The following SLC7A14 variants were observed in gnomAD, a reference collection of about 807,000 sequenced individuals.
SLC7A14 encodes the protein solute carrier family 7 member 14.
A neutral mutation model predicts 60.2 loss-of-function variants in SLC7A14; 37 were observed. The ratio of observed to expected loss-of-function variants is 0.61; its 90% CI spans 0.47 to 0.81. SLC7A14 has a LOEUF of 0.81. Ranked by LOEUF, SLC7A14 falls within the 30% of genes least tolerant of loss-of-function variation. The pLI is 0.00. For synonymous variants in SLC7A14, 399 were observed against 395.8 expected (o/e 1.01, Z -0.10); for missense variants, 886 against 982.7 (o/e 0.90, Z 1.32).
At chr3:170,562,633 A>G (rs894181901) in intron 1 of SLC7A14, among the ~76,000 whole-genome samples, 6 of 152,210 alleles carry the variant, frequency 3.9e-5, no homozygotes, top group Admixed American at 3.9e-4. Context: ...CCAAAAACCT[A>G]TGGAAATTAA....
At chr3:170,573,355 G>A (rs1715002361) in intron 1 of SLC7A14, among the ~76,000 whole-genome samples, 1 of 152,194 alleles carries the variant, frequency 6.6e-6, no homozygotes, top group Non-Finnish European at 1.5e-5. Context: ...TGCCACCTGA[G>A]ACCATGATTC....
chr3:170,497,208 G>T (rs1052366908), intron 4 of SLC7A14, among the ~76,000 whole-genome samples: 3 of 151,874 alleles, frequency 2.0e-5, no homozygotes. Flanking sequence ...TGATAGGAAA[G>T]GAACAGTTTG....
In SLC7A14 at chr3:170,537,617, G is replaced by A. The variant is rs568690163; in HGVS notation, c.-152-10529C>T. On this transcript the variant is annotated intron_variant, in intron 1 of 7. Coordinates refer to ENST00000231706, the MANE Select transcript of SLC7A14 (RefSeq NM_020949.3). ...CTCGGCTGAGCATTTATATGCTTTT[G>A]GAAAAATTCTGTCCCTAATTAAACA... Among the ~76,000 whole-genome samples, 5 of 152,200 alleles carry A rather than the reference G, an allele frequency of 3.3e-5. No individual in the cohort carries two copies. In the East Asian group the frequency reaches 7.7e-4, roughly 23 times the overall value.
At chr3:170,583,549 T>G (rs1715294917) in intron 1 of SLC7A14, among the ~76,000 whole-genome samples, 1 of 152,246 alleles carries the variant, frequency 6.6e-6, no homozygotes, top group South Asian at 2.1e-4. Context: ...GGGTTCTAAT[T>G]TTTCAATCAT....
chr3:170,554,387 A>T (rs1370130493), intron 1 of SLC7A14, among the ~76,000 whole-genome samples: 1 of 152,228 alleles, frequency 6.6e-6, no homozygotes, highest in Non-Finnish European at 1.5e-5. Flanking sequence ...TTATTAATTC[A>T]CATTTTGTCT....
intron 1 of SLC7A14, among the ~76,000 whole-genome samples, chr3:170,564,832 A>G (rs945540047): frequency 5.3e-5 from 8 of 152,198 alleles, no homozygotes; most frequent in African/African-American, 1.9e-4. Context: ...TCTAATTTTA[A>G]TGTAACTTGC....
chr3:170,540,814 GTGCT>G (rs1713998444), intron 1 of SLC7A14, among the ~76,000 whole-genome samples: 1 of 152,196 alleles, frequency 6.6e-6, no homozygotes. Flanking sequence ...CAACTGATTA[GTGCT>G]TGCTTCTAAA....
Position 170,460,910 on chromosome 3 carries a change from A to AATT in SLC7A14, c.*6142_*6144dup, listed in dbSNP as rs1349406729. ...ATTCTGTGTGTGCAGAACACAGTTAAATTATTATTATTATTATTTTTGAGA... is the reference window on the plus strand; with the variant it reads ...ATTCTGTGTGTGCAGAACACAGTTAAATTATTATTATTATTATTATTTTTGAGA... On this transcript the variant is annotated 3_prime_UTR_variant, in exon 8 of 8. Coordinates refer to ENST00000231706, the MANE Select transcript of SLC7A14 (RefSeq NM_020949.3). 1 of 152,138 alleles carries AATT rather than the reference A, an allele frequency of 6.6e-6. No individual in the cohort carries two copies. The highest frequency in any genetic ancestry group is 1.5e-5 in the Non-Finnish European group (1 of 67,990). 9.4% of individuals were successfully genotyped at this position (152,138 alleles called of 1,614,324 possible). A position where few individuals can be genotyped will look rare whatever the true frequency, so the allele number is the denominator to read the frequency against.
At chr3:170,566,315 T>C (rs1443487389) in intron 1 of SLC7A14, among the ~76,000 whole-genome samples, 1 of 152,088 alleles carries the variant, frequency 6.6e-6, no homozygotes, top group African/African-American at 2.4e-5. Flanking sequence ...AGAGTAAAAG[T>C]TGGGAGACTG....
At chr3:170,578,625 T>C (rs1314188534) in intron 1 of SLC7A14, among the ~76,000 whole-genome samples, 1 of 152,232 alleles carries the variant, frequency 6.6e-6, no homozygotes, top group Non-Finnish European at 1.5e-5. Context: ...ATAGTAATTG[T>C]ATATAAGTAT....
chr3:170,526,485 C>G (rs1350891761), intron 2 of SLC7A14, 148 bp downstream of exon 2: 1 of 926,328 alleles, frequency 1.1e-6, no homozygotes, highest in Non-Finnish European at 1.6e-6. Context: ...CCTAACCTCC[C>G]TGGCAGTCAA....
intron 7 of SLC7A14, among the ~76,000 whole-genome samples, chr3:170,474,552 GT>G (rs1031943803): frequency 2.0e-5 from 3 of 151,938 alleles, no homozygotes; most frequent in East Asian, 1.9e-4. Context: ...GGAAGAGCCC[GT>G]TTTTTTTTCC....
At chr3:170,539,892 A>G (rs1014339898) in intron 1 of SLC7A14, among the ~76,000 whole-genome samples, 8 of 152,202 alleles carry the variant, frequency 5.3e-5, no homozygotes, top group Admixed American at 2.0e-4. Flanking sequence ...GAGATTAACA[A>G]CAATAACTAA....
intron 1 of SLC7A14, 143 bp from the exon 2 acceptor site, chr3:170,527,231 C>A: frequency 2.3e-6 from 1 of 435,956 alleles, no homozygotes; most frequent in Admixed American, 3.7e-5. Context: ...TCCATGGTTC[C>A]ACTCTCCTTG....
At chr3:170,550,769 G>A (rs918665457) in intron 1 of SLC7A14, among the ~76,000 whole-genome samples, 1 of 151,840 alleles carries the variant, frequency 6.6e-6, no homozygotes, top group African/African-American at 2.4e-5. Context: ...TGATCTGCCT[G>A]CCTAGGCCTC....
In SLC7A14 at chr3:170,471,245, T is replaced by G. The variant is rs976831478; in HGVS notation, c.1994-3868A>C. On this transcript the variant is annotated intron_variant, in intron 7 of 7. Transcript: ENST00000231706. Reference sequence around the variant, plus strand: ...CAGTGAATCCTTCCAGGTCTCCCCATGCCCTAATCCAGGGCGCTTCTATCC... The same window carrying G: ...CAGTGAATCCTTCCAGGTCTCCCCAGGCCCTAATCCAGGGCGCTTCTATCC... Among the ~76,000 whole-genome samples the G allele has an allele frequency of 2.6e-4, 39 of 152,160 alleles. 2 individuals carry two copies. Among genetic ancestry groups the G allele is most frequent in the Admixed American group, 2.6e-3 (39 of 15,282 alleles).
At chr3:170,493,231 G>A (rs1712275338) in intron 4 of SLC7A14, among the ~76,000 whole-genome samples, 1 of 152,214 alleles carries the variant, frequency 6.6e-6, no homozygotes, top group Non-Finnish European at 1.5e-5. Context: ...AGGGAAAAAT[G>A]TTTGTTGTTC....
At chr3:170,499,020 A>G in intron 3 of SLC7A14, 136 bp from the exon 4 acceptor site, 1 of 718,382 alleles carries the variant, frequency 1.4e-6, no homozygotes, top group East Asian at 2.7e-5. Flanking sequence ...GCAGATCACG[A>G]GGTCAGGAGA....
At chr3:170,504,854 T>A (rs908944873) in intron 2 of SLC7A14, among the ~76,000 whole-genome samples, 1 of 152,162 alleles carries the variant, frequency 6.6e-6, no homozygotes, top group African/African-American at 2.4e-5. Flanking sequence ...TGGTACTGAC[T>A]CCTAGGGGAA....
Sources: gnomAD v4.1 joint callset for allele counts (sites outside exome capture counted in the v4.1 genomes callset) on GRCh38, gnomAD v4.1.1 for gene constraint, MANE v1.5 for transcripts, NCBI Gene and HGNC (gene_info 2026-07-23, HGNC 2026-07-21) for gene names.